The following PDE4D variants were observed in gnomAD, a reference collection of about 807,000 sequenced individuals.
The protein encoded by PDE4D is phosphodiesterase 4D, also known as 3',5'-cyclic-AMP phosphodiesterase 4D.
Under a neutral mutation model 87.4 loss-of-function variants are expected in PDE4D, and 24 were observed. The observed-to-expected ratio is 0.27, with a 90% CI of 0.20 to 0.39. The LOEUF (loss-of-function observed/expected upper bound fraction) is 0.39. Ranked by LOEUF, PDE4D falls within the 10% of genes least tolerant of loss-of-function variation. The pLI is 1.00. For missense variants in PDE4D, 714 were observed against 1,041.0 expected (o/e 0.69, Z 4.32); for synonymous variants, 384 against 383.2 (o/e 1.00, Z -0.02).
chr5:59,007,069 A>C (rs1347236801), intron 6 of PDE4D, among the ~76,000 whole-genome samples: 1 of 152,206 alleles, frequency 6.6e-6, no homozygotes, highest in African/African-American at 2.4e-5. Flanking sequence ...AGATCCGTTA[A>C]TATAATCAAT....
In PDE4D at chr5:59,673,129, C is replaced by G. The variant is rs143755826; in HGVS notation, c.455+220039G>C. ...TGATCAGGAAGTTTAAATGGACACTCTATATGCATCCTTGTGCTTTTGGGG... is the reference window on the plus strand; with the variant it reads ...TGATCAGGAAGTTTAAATGGACACTGTATATGCATCCTTGTGCTTTTGGGG... On this transcript the variant is annotated intron_variant, in intron 1 of 14. Transcript: ENST00000340635. 2.0e-3 allele frequency among the ~76,000 whole-genome samples: 301 copies of G among 152,318 alleles called. 4 individuals are homozygous for G. The highest frequency in any genetic ancestry group is 7.0e-3 in the African/African-American group (292 of 41,562).
At chr5:59,982,713 C>A (rs1399138426) in intron 3 of PDE4D, among the ~76,000 whole-genome samples, 1 of 152,162 alleles carries the variant, frequency 6.6e-6, no homozygotes, top group African/African-American at 2.4e-5. Flanking sequence ...GACTTCTGAA[C>A]AGAAATGTCA....
intron 1 of PDE4D, among the ~76,000 whole-genome samples, chr5:59,526,939 A>C (rs563802970): frequency 1.3e-5 from 2 of 152,080 alleles, no homozygotes; most frequent in East Asian, 3.9e-4. Context: ...TTTATTTCTT[A>C]CTTGACTTTT....
intron 2 of PDE4D, among the ~76,000 whole-genome samples, chr5:60,172,665 G>A (rs1783573909): frequency 6.6e-6 from 1 of 152,090 alleles, no homozygotes. Flanking sequence ...TTTAAAACTG[G>A]TTACTAGAAC....
intron 1 of PDE4D, among the ~76,000 whole-genome samples, chr5:60,341,610 CACCTTTCATACTTACT>C (rs138277854): frequency 0.019 from 2,860 of 152,236 alleles, 71 homozygotes; most frequent in East Asian, 0.13. Flanking sequence ...CCAAACACAG[CACCTTTCATACTTACT>C]ACCTTGTTAA....
chr5:59,530,462 C>G (rs994066934), intron 1 of PDE4D, among the ~76,000 whole-genome samples: 3 of 152,034 alleles, frequency 2.0e-5, no homozygotes, highest in Admixed American at 6.6e-5. Context: ...TTGTATATAA[C>G]CTACACACAT....
intron 1 of PDE4D, among the ~76,000 whole-genome samples, chr5:60,198,675 C>A (rs1450920308): frequency 6.6e-6 from 1 of 151,586 alleles, no homozygotes; most frequent in Non-Finnish European, 1.5e-5. Context: ...ATGTCTTTAA[C>A]ACCAAGAGCC....
chr5:60,309,919 T>A (rs1161172205), intron 1 of PDE4D, among the ~76,000 whole-genome samples: 2 of 152,252 alleles, frequency 1.3e-5, no homozygotes, highest in Non-Finnish European at 1.5e-5. Flanking sequence ...AAGATTTTAA[T>A]ACAGAAATCC....
intron 5 of PDE4D, among the ~76,000 whole-genome samples, chr5:59,125,980 T>G (rs1201097363): frequency 6.6e-6 from 1 of 151,874 alleles, no homozygotes; most frequent in South Asian, 2.1e-4. Context: ...CAATAATACA[T>G]CCTCACAATC....
chr5:59,274,117 G>GTA (rs1431299133), intron 1 of PDE4D, among the ~76,000 whole-genome samples: 1 of 152,028 alleles, frequency 6.6e-6, no homozygotes, highest in African/African-American at 2.4e-5. Context: ...GGATTTTCCA[G>GTA]TATTTATTGT....
rs903376639 is a variant in PDE4D, at chr5:58,972,537, G to A, written c.*2127C>T. ...TGACTTACTTTCCAGTCCCCAGGAG[G>A]CTCCTTGAGAAGTTCCACATATAAA... On this transcript the variant is annotated 3_prime_UTR_variant, in exon 15 of 15. Coordinates refer to ENST00000340635, the MANE Select transcript of PDE4D (RefSeq NM_001104631.2). The A allele has an allele frequency of 3.3e-5, 5 of 152,162 alleles. No individual in the cohort carries two copies. The highest frequency in any genetic ancestry group is 1.2e-4 in the African/African-American group (5 of 41,434). 9.4% of individuals were successfully genotyped at this position (152,162 alleles called of 1,614,324 possible). A position where few individuals can be genotyped will look rare whatever the true frequency, so the allele number is the denominator to read the frequency against.
At chr5:60,074,061 T>C (rs1773025259) in intron 2 of PDE4D, among the ~76,000 whole-genome samples, 1 of 152,150 alleles carries the variant, frequency 6.6e-6, no homozygotes. Context: ...TACTGTCTTC[T>C]GATAGTTTTG....
At chr5:60,500,909 G>GA (rs1750038855) in intron 1 of PDE4D, among the ~76,000 whole-genome samples, 1 of 152,054 alleles carries the variant, frequency 6.6e-6, no homozygotes, top group Non-Finnish European at 1.5e-5. Context: ...TAACAGCTGA[G>GA]GCAACTGAGG....
chr5:59,545,138 G>A (rs957773778), intron 1 of PDE4D, among the ~76,000 whole-genome samples: 4 of 152,050 alleles, frequency 2.6e-5, no homozygotes, highest in Non-Finnish European at 5.9e-5. Flanking sequence ...TATTTTGTGG[G>A]GTAACTTTTA....
intron 3 of PDE4D, among the ~76,000 whole-genome samples, chr5:59,905,208 G>T (rs1031138118): frequency 6.6e-6 from 1 of 152,146 alleles, no homozygotes; most frequent in Non-Finnish European, 1.5e-5. Context: ...ATGGAAAACA[G>T]CATATTTTCT....
At chr5:59,674,184 A>AATATGTTTTT (rs1747683314) in intron 1 of PDE4D, among the ~76,000 whole-genome samples, 1 of 152,184 alleles carries the variant, frequency 6.6e-6, no homozygotes. Context: ...TCAGAATAAA[A>AATATGTTTTT]CATATTATTG....
At position 59,309,825 on chromosome 5, in the gene PDE4D, A is replaced by G. The variant is rs145868656; in HGVS notation, c.456-93857T>C. On this transcript the variant is annotated intron_variant, in intron 1 of 14. Coordinates refer to ENST00000340635, the MANE Select transcript of PDE4D (RefSeq NM_001104631.2). ...TGGATGTATTTTTTCTTCTCAGACAATAAGAACCAAAGACTGTGTATCCTG... is the reference window on the plus strand; with the variant it reads ...TGGATGTATTTTTTCTTCTCAGACAGTAAGAACCAAAGACTGTGTATCCTG... Among the ~76,000 whole-genome samples, 96 of 152,270 alleles carry G rather than the reference A, an allele frequency of 6.3e-4. 1 individual carries two copies. The highest frequency in any genetic ancestry group is 1.8e-3 in the African/African-American group (73 of 41,560).
chr5:59,893,381 AGGG>A lies in PDE4D; in HGVS notation c.239_241del (p.Pro80del). On this transcript the variant is annotated inframe_deletion, in exon 1 of 15. Coordinates refer to ENST00000340635, the MANE Select transcript of PDE4D (RefSeq NM_001104631.2). ...CCCGGGCGGCGGCGGGGGCGGCGGC[AGGG>A]GGGGCGGCGGCGGCGGCTGTAGCGG... 3 of 1,241,816 alleles carry A rather than the reference AGGG, an allele frequency of 2.4e-6. No individual in the cohort carries two copies. Among genetic ancestry groups the A allele is most frequent in the Non-Finnish European group, 3.0e-6 (3 of 992,234 alleles). 76.9% of individuals were successfully genotyped at this position (1,241,816 alleles called of 1,614,324 possible).
intron 2 of PDE4D, among the ~76,000 whole-genome samples, chr5:60,096,045 C>G (rs568210307): frequency 6.6e-6 from 1 of 152,190 alleles, no homozygotes; most frequent in East Asian, 1.9e-4. Context: ...CTGTAGGCTG[C>G]CTGTTCACTC....
Sources: gnomAD v4.1 joint callset for allele counts (sites outside exome capture counted in the v4.1 genomes callset) on GRCh38, gnomAD v4.1.1 for gene constraint, MANE v1.5 for transcripts, NCBI Gene and HGNC (gene_info 2026-07-23, HGNC 2026-07-21) for gene names.